TPD52L2: variants seen among roughly 807,000 people sequenced by gnomAD.
TPD52L2 encodes the protein tumor protein D54.
In TPD52L2, 19 loss-of-function variants were observed where a neutral mutation model predicts 24.7. The observed-to-expected ratio is 0.77, with a 90% CI of 0.54 to 1.13. TPD52L2 has a LOEUF of 1.13. TPD52L2 is among the 50% of genes most tolerant of loss of function. The pLI is 0.00. For missense variants in TPD52L2, 236 were observed against 250.4 expected (o/e 0.94, Z 0.39); for synonymous variants, 104 against 100.2 (o/e 1.04, Z -0.23).
chr20:63,873,690 T>C lies in TPD52L2; in HGVS notation c.188T>C (p.Leu63Pro). Residue 63 changes from leucine to proline, a missense_variant, in exon 3 of 7, where the codon CTG becomes CCG. Coordinates refer to ENST00000346249, the MANE Select transcript of TPD52L2 (RefSeq NM_003288.4). Reference sequence around the variant, plus strand: ...CAGGTGGAAGAGGAAATTGTCACTCTGCGCCAGGTCCTGGCAGCCAAGGAG... The same window carrying C: ...CAGGTGGAAGAGGAAATTGTCACTCCGCGCCAGGTCCTGGCAGCCAAGGAG... ...LTKVEEEIVT[L>P]RQVLAAKERH... The C allele has an allele frequency of 6.2e-7, 1 of 1,610,522 alleles. No homozygotes were observed. The highest frequency in any genetic ancestry group is 8.5e-7 in the Non-Finnish European group (1 of 1,178,778).
At chr20:63,883,856 G>C (rs62218066) in intron 5 of TPD52L2, among the ~76,000 whole-genome samples, 1 of 138,592 alleles carries the variant, frequency 7.2e-6, no homozygotes, top group Admixed American at 7.7e-5. Flanking sequence ...CTGCCTGCCT[G>C]CCTTAGGTTA....
chr20:63,869,152 C>A, intron 1 of TPD52L2, 144 bp from the exon 2 acceptor site: 1 of 908,000 alleles, frequency 1.1e-6, no homozygotes, highest in Non-Finnish European at 1.7e-6. Context: ...CCCATGCTGT[C>A]CTCACAGACC....
At position 63,869,133 on chromosome 20, in the gene TPD52L2, C is replaced by A. The variant is rs142838959; in HGVS notation, c.20-163C>A. 2.2e-3 allele frequency among the ~76,000 whole-genome samples: 336 copies of A among 152,234 alleles called. 2 individuals carry two copies. Among genetic ancestry groups the A allele is most frequent in the African/African-American group, 7.7e-3 (320 of 41,540 alleles). On this transcript the variant is annotated intron_variant, in intron 1 of 6. Transcript: ENST00000346249. ...AGGTGGTCTGAGGTGTGGCTGCCCT[C>A]GTCTACTGCCCATGCTGTCCTCACA...
intron 2 of TPD52L2, among the ~76,000 whole-genome samples, chr20:63,871,879 C>T (rs773830981): frequency 1.2e-4 from 18 of 151,894 alleles, no homozygotes; most frequent in Non-Finnish European, 1.9e-4. Context: ...GGTGATCTGC[C>T]CGCCTCGGCC....
intron 6 of TPD52L2, 139 bp from the exon 7 acceptor site, chr20:63,889,711 C>T (rs989250968): frequency 2.2e-5 from 17 of 783,570 alleles, no homozygotes; most frequent in South Asian, 3.7e-5. Context: ...GGTGCCCGTC[C>T]GTGATTTGCT....
chr20:63,873,503 C>A (rs1185611436), intron 2 of TPD52L2, among the ~76,000 whole-genome samples, 165 bp from the exon 3 acceptor site: 1 of 150,548 alleles, frequency 6.6e-6, no homozygotes, highest in Non-Finnish European at 1.5e-5. Flanking sequence ...AAAAAAAAAA[C>A]CAAAACCCAA....
Position 63,889,981 on chromosome 20 carries a change from A to G in TPD52L2, c.*36A>G, listed in dbSNP as rs866152462. The G allele has an allele frequency of 1.9e-6, 3 of 1,612,190 alleles. No homozygotes were observed. Among genetic ancestry groups the G allele is most frequent in the Admixed American group, 3.3e-5 (2 of 59,868 alleles). On this transcript the variant is annotated 3_prime_UTR_variant, in exon 7 of 7. Transcript: ENST00000346249. Reference sequence around the variant, plus strand: ...GCTTCACCCGCTGCAGAGCACACGCAACCCAGCCTCAGCATCACAGCCGCA... The same window carrying G: ...GCTTCACCCGCTGCAGAGCACACGCGACCCAGCCTCAGCATCACAGCCGCA...
At chr20:63,867,030 C>T (rs1000315122) in intron 1 of TPD52L2, among the ~76,000 whole-genome samples, 2 of 151,402 alleles carry the variant, frequency 1.3e-5, no homozygotes, top group Non-Finnish European at 2.9e-5. Context: ...CATGGCTTCC[C>T]GCAACCTCTG....
intron 4 of TPD52L2, among the ~76,000 whole-genome samples, chr20:63,880,915 G>C (rs1600820238): frequency 6.6e-6 from 1 of 151,940 alleles, no homozygotes; most frequent in African/African-American, 2.4e-5. Context: ...AAGAATTTGT[G>C]TTTTTGAAAC....
chr20:63,889,301 A>G (rs2053247833), intron 6 of TPD52L2, 63 bp downstream of exon 6: 3 of 1,391,270 alleles, frequency 2.2e-6, no homozygotes, highest in Non-Finnish European at 2.0e-6. Context: ...CAACTTGTTT[A>G]TTATTAGTCA....
intron 2 of TPD52L2, among the ~76,000 whole-genome samples, 167 bp from the exon 3 acceptor site, chr20:63,873,501 A>AC (rs1568943111): frequency 6.6e-6 from 1 of 152,000 alleles, no homozygotes. Flanking sequence ...AAAAAAAAAA[A>AC]ACCAAAACCC....
At chr20:63,881,941 T>G (rs886884008) in intron 4 of TPD52L2, among the ~76,000 whole-genome samples, 1 of 152,226 alleles carries the variant, frequency 6.6e-6, no homozygotes, top group Non-Finnish European at 1.5e-5. Flanking sequence ...TTGCCTGTCC[T>G]GCAGACGCCA....
In TPD52L2 at chr20:63,885,887, T is replaced by A. The variant is rs1389054186; in HGVS notation, c.476+3067T>A. 4 of 918,168 alleles carry A rather than the reference T, an allele frequency of 4.4e-6. No individual in the cohort carries two copies. In the African/African-American group the frequency reaches 4.9e-5, roughly 11 times the overall value. The allele number at this position is 918,168 out of a possible 1,614,324, so 56.9% of individuals were successfully genotyped here. The stretch of plus-strand genomic sequence containing the variant: ...CTGGAGGAGCCGTCCTGGAGGGTCT[T>A]CCCCTGCTGGGCCTGACTGAGCACG... On this transcript the variant is annotated intron_variant, in intron 5 of 6. Coordinates refer to ENST00000346249, the MANE Select transcript of TPD52L2 (RefSeq NM_003288.4).
At position 63,890,962 on chromosome 20, in the gene TPD52L2, A is replaced by G. The variant is rs8567; in HGVS notation, c.*1017A>G. 0.53 allele frequency: 81,189 copies of G among 152,344 alleles called. 22,342 individuals carry two copies. Among genetic ancestry groups the G allele is most frequent in the East Asian group, 0.83 (4,435 of 5,314 alleles). 9.4% of individuals were successfully genotyped at this position (152,344 alleles called of 1,614,324 possible). A position where few individuals can be genotyped will look rare whatever the true frequency, so the allele number is the denominator to read the frequency against. ...CCTTTGCATGGGCCTGGCCCGGCTC[A>G]CATTCGTCAGTGACTCCAACCCTCC... On this transcript the variant is annotated 3_prime_UTR_variant, in exon 7 of 7. Transcript: ENST00000346249.
At chr20:63,866,483 T>C (rs925161729) in intron 1 of TPD52L2, among the ~76,000 whole-genome samples, 4 of 150,644 alleles carry the variant, frequency 2.7e-5, no homozygotes, top group African/African-American at 9.8e-5. Flanking sequence ...TTTTTTGAGA[T>C]GGAGTCTCAC....
Position 63,865,299 on chromosome 20 carries a change from G to A in TPD52L2, c.-67G>A. ...CCGCTGGCTAGTGTGTACGCGGCGA[G>A]CTTCTCCCGGCGCCGCCCGCTCGGC... is the stretch of plus-strand genomic sequence containing the variant. On this transcript the variant is annotated 5_prime_UTR_variant, in exon 1 of 7. Coordinates refer to ENST00000346249, the MANE Select transcript of TPD52L2 (RefSeq NM_003288.4). 2 of 1,487,240 alleles carry A rather than the reference G, an allele frequency of 1.3e-6. No homozygotes were observed. Among genetic ancestry groups the A allele is most frequent in the Non-Finnish European group, 1.8e-6 (2 of 1,124,164 alleles). 92.1% of individuals were successfully genotyped at this position (1,487,240 alleles called of 1,614,324 possible).
chr20:63,874,093 C>T (rs1268528302), intron 3 of TPD52L2, among the ~76,000 whole-genome samples: 2 of 152,054 alleles, frequency 1.3e-5, no homozygotes, highest in Admixed American at 6.6e-5. Flanking sequence ...ACTCTGTCGC[C>T]CAGGCTGGAG....
At chr20:63,868,933 T>C (rs2052359829) in intron 1 of TPD52L2, among the ~76,000 whole-genome samples, 1 of 151,836 alleles carries the variant, frequency 6.6e-6, no homozygotes, top group African/African-American at 2.4e-5. Flanking sequence ...AGAGTGAGAC[T>C]CCATCAAAAA....
chr20:63,876,911 C>T lies in TPD52L2; in HGVS notation c.374+1036C>T, dbSNP rs577211768. ...CCCGGGCGGTTCACGGCATGTTGCC[C>T]TGGGTATTCCAGGGACCCGGGCGGT... On this transcript the variant is annotated intron_variant, in intron 4 of 6. Transcript: ENST00000346249. 24 of 455,310 alleles carry T rather than the reference C, an allele frequency of 5.3e-5. No homozygotes were observed. In the East Asian group the frequency reaches 1.1e-3, roughly 21 times the overall value. The allele number at this position is 455,310 out of a possible 1,614,324, so 28.2% of individuals were successfully genotyped here. A position where few individuals can be genotyped will look rare whatever the true frequency, so the allele number is the denominator to read the frequency against.
Sources: gnomAD v4.1 joint callset for allele counts (sites outside exome capture counted in the v4.1 genomes callset) on GRCh38, gnomAD v4.1.1 for gene constraint, MANE v1.5 for transcripts, NCBI Gene and HGNC (gene_info 2026-07-23, HGNC 2026-07-21) for gene names.